The following ERICH1 variants were observed in gnomAD, a reference collection of about 807,000 sequenced individuals.
ERICH1 encodes the protein glutamate-rich protein 1.
ERICH1 carries 56 observed loss-of-function variants against 39.6 expected under a neutral mutation model. The ratio of observed to expected loss-of-function variants is 1.41; its 90% CI spans 1.14 to 1.77. The LOEUF is 1.77. Among genes scored for constraint, ERICH1 ranks in the 40% most tolerant of loss-of-function variants. The pLI is 0.00. For synonymous variants in ERICH1, 313 were observed against 223.6 expected (o/e 1.40, Z -3.57); for missense variants, 826 against 575.4 (o/e 1.44, Z -4.45).
At chr8:616,960 C>CAGAGAGAGAGAGAGAGAGAGAGAG (rs1188369957) in intron 3 of ERICH1, among the ~76,000 whole-genome samples, 3 of 9,932 alleles carry the variant, frequency 3.0e-4, no homozygotes, top group Non-Finnish European at 2.8e-4. Flanking sequence ...GAGACAGAGA[C>CAGAGAGAGAGAGAGAGAGAGAGAG]ACACAGAGAG....
intron 3 of ERICH1, chr8:640,936 G>C (rs1468846551): frequency 6.6e-6 from 1 of 152,218 alleles, no homozygotes; most frequent in Non-Finnish European, 1.5e-5. Flanking sequence ...TCCAGAGTCA[G>C]TGAGTTTTGA....
intron 3 of ERICH1, among the ~76,000 whole-genome samples, chr8:681,768 T>C (rs539286782): frequency 2.9e-4 from 44 of 152,348 alleles, no homozygotes; most frequent in African/African-American, 1.0e-3. Flanking sequence ...GGTGGAAAGA[T>C]GGCCAGCAGA....
intron 3 of ERICH1, among the ~76,000 whole-genome samples, chr8:624,466 G>A (rs1162709015): frequency 6.6e-6 from 1 of 152,228 alleles, no homozygotes; most frequent in Non-Finnish European, 1.5e-5. Flanking sequence ...GTACGTGATT[G>A]CTCACAGCAC....
chr8:718,674 T>A (rs1189422347), intron 1 of ERICH1, among the ~76,000 whole-genome samples: 2 of 152,198 alleles, frequency 1.3e-5, no homozygotes, highest in Admixed American at 1.3e-4. Context: ...CTCCGCCTTC[T>A]GTAACACAGG....
At chr8:725,625 C>G (rs73523254) in intron 1 of ERICH1, among the ~76,000 whole-genome samples, 5,115 of 152,242 alleles carry the variant, frequency 0.034, 292 homozygotes, top group African/African-American at 0.12. Context: ...GCCCCCATGT[C>G]TGAGCAGCTC....
intron 1 of ERICH1, among the ~76,000 whole-genome samples, chr8:725,036 C>T (rs912373044): frequency 3.9e-5 from 6 of 152,232 alleles, no homozygotes; most frequent in African/African-American, 1.2e-4. Flanking sequence ...GTGATGCCTG[C>T]TCACCTGCTG....
At chr8:671,284 TC>T (rs1190540047) in intron 4 of ERICH1, among the ~76,000 whole-genome samples, 1 of 135,962 alleles carries the variant, frequency 7.4e-6, no homozygotes, top group Non-Finnish European at 1.5e-5. Context: ...AGCGCGCTGG[TC>T]CCCAGGCTCC....
Position 673,605 on chromosome 8 carries a change from C to T in ERICH1, c.747G>A (p.Glu249=). ...GATCTTCCTCACTGGCGTCCGCACC[C>T]TCTTCCTGCCTGGCCCGTGTCAGGT... The part of the protein sequence containing the change: ...EEDLTRARQE[E]GADASEEDPT... Residue 249 remains glutamate, a synonymous_variant, in exon 4 of 6, where the codon GAG becomes GAA. Transcript: ENST00000262109. 1 of 1,549,438 alleles carries T rather than the reference C, an allele frequency of 6.5e-7. No homozygotes were observed. The highest frequency in any genetic ancestry group is 8.9e-7 in the Non-Finnish European group (1 of 1,127,854).
intron 3 of ERICH1, among the ~76,000 whole-genome samples, chr8:633,248 C>T (rs12549884): frequency 0.19 from 28,933 of 152,144 alleles, 3,167 homozygotes; most frequent in Middle Eastern, 0.33. Context: ...TAGAAAACCC[C>T]TCACATTCAA....
At chr8:712,214 T>A (rs2132311183) in intron 2 of ERICH1, among the ~76,000 whole-genome samples, 1 of 152,342 alleles carries the variant, frequency 6.6e-6, no homozygotes, top group Non-Finnish European at 1.5e-5. Flanking sequence ...AGGATTGTAT[T>A]GAATGTGTAT....
At chr8:657,381 G>T (rs1370198263) in intron 3 of ERICH1, among the ~76,000 whole-genome samples, 1 of 152,028 alleles carries the variant, frequency 6.6e-6, no homozygotes, top group Non-Finnish European at 1.5e-5. Context: ...CTGGTCGGAA[G>T]GGAGGTTATC....
chr8:689,255 G>T lies in ERICH1; in HGVS notation c.304+3223C>A, dbSNP rs150787138. 7.2e-4 allele frequency among the ~76,000 whole-genome samples: 107 copies of T among 149,034 alleles called. 1 individual carries two copies. In the East Asian group the frequency reaches 0.016, roughly 22 times the overall value. ...GCGTCTCGAGTAGCTGGGATTACAG[G>T]TACATGCCACCACACCTGGCTAATT... is the stretch of plus-strand genomic sequence containing the variant. On this transcript the variant is annotated intron_variant, in intron 3 of 5. Coordinates refer to ENST00000262109, the MANE Select transcript of ERICH1 (RefSeq NM_207332.3).
Position 680,362 on chromosome 8 carries a change from G to C in ERICH1, c.305-6315C>G, listed in dbSNP as rs1006071589. Among the ~76,000 whole-genome samples, 325 of 135,554 alleles carry C rather than the reference G, an allele frequency of 2.4e-3. 2 individuals are homozygous for C. The highest frequency in any genetic ancestry group is 3.3e-3 in the Admixed American group (44 of 13,410). 88.9% of individuals were successfully genotyped at this position (135,554 alleles called of 152,430 possible). A position where few individuals can be genotyped will look rare whatever the true frequency, so the allele number is the denominator to read the frequency against. On this transcript the variant is annotated intron_variant, in intron 3 of 5. Transcript: ENST00000262109. ...TGCCACCCCTGTGAACACAGAAGAT[G>C]CAAGAGAATCCACAGCTGCCACCCC...
intron 2 of ERICH1, among the ~76,000 whole-genome samples, chr8:693,007 T>C (rs534574575): frequency 1.7e-4 from 26 of 152,286 alleles, no homozygotes; most frequent in African/African-American, 5.5e-4. Context: ...CTGCACAGAC[T>C]TCTGGGTCTT....
At chr8:681,798 C>T (rs928846326) in intron 3 of ERICH1, among the ~76,000 whole-genome samples, 1 of 152,194 alleles carries the variant, frequency 6.6e-6, no homozygotes, top group African/African-American at 2.4e-5. Context: ...GCTGAGCCTT[C>T]GTCAGGCTCC....
At chr8:665,758 C>G (rs1048465309) in intron 5 of ERICH1, among the ~76,000 whole-genome samples, 1 of 152,172 alleles carries the variant, frequency 6.6e-6, no homozygotes, top group Non-Finnish European at 1.5e-5. Flanking sequence ...CTGAATGCAG[C>G]CCCCATGACT....
At chr8:702,152 G>GA (rs1225741353) in intron 2 of ERICH1, among the ~76,000 whole-genome samples, 2 of 147,656 alleles carry the variant, frequency 1.4e-5, no homozygotes, top group African/African-American at 5.1e-5. Context: ...AGCATCTAAA[G>GA]AACCCCGGAA....
At chr8:621,536 GAGAA>G (rs1331036167) in intron 3 of ERICH1, among the ~76,000 whole-genome samples, 1 of 151,520 alleles carries the variant, frequency 6.6e-6, no homozygotes, top group Non-Finnish European at 1.5e-5. Context: ...TAATTAAAAA[GAGAA>G]AGGAGATAGA....
chr8:664,015 T>G (rs1032609185), downstream of ERICH1, among the ~76,000 whole-genome samples: 2 of 152,198 alleles, frequency 1.3e-5, no homozygotes, highest in African/African-American at 4.8e-5. Flanking sequence ...TGCCTCGGTC[T>G]CCCAAAGTGC....
Sources: allele counts gnomAD v4.1 joint callset (sites outside exome capture counted in the v4.1 genomes callset), GRCh38; gene constraint gnomAD v4.1.1; transcripts MANE v1.5; gene names NCBI Gene and HGNC (gene_info 2026-07-23, HGNC 2026-07-21).